Variants in DNAH10 observed in about 807,000 individuals in gnomAD.
DNAH10 encodes axonemal beta dynein heavy chain 10.
A neutral mutation model predicts 506.6 loss-of-function variants in DNAH10; 348 were observed. The ratio of observed to expected loss-of-function variants is 0.69; its 90% CI spans 0.63 to 0.75. The LOEUF is 0.75. Among genes scored for constraint, DNAH10 ranks in the 30% least tolerant of loss-of-function variants. The probability of loss-of-function intolerance (pLI) is 0.00; values close to 1 mark genes in which losing one functional copy is unlikely to be tolerated. For synonymous variants in DNAH10, 2,059 were observed against 2,198.6 expected, an observed-to-expected ratio of 0.94 and a Z score of 1.78; for missense variants, 5,179 against 5,787.1, an observed-to-expected ratio of 0.89 and a Z score of 3.41.
In DNAH10 at chr12:123,818,995, T is replaced by C. The variant is rs959556996; in HGVS notation, c.3826T>C (p.Trp1276Arg). 8 of 1,608,348 alleles carry C rather than the reference T, an allele frequency of 5.0e-6. No homozygotes were observed. Among genetic ancestry groups the C allele is most frequent in the Admixed American group, 3.4e-5 (2 of 59,246 alleles). ...KELVDKIESIWSNLFNDSVNV... is the reference protein window; with the variant it reads ...KELVDKIESIRSNLFNDSVNV... ...ACTGGTTGATAAGATTGAGAGCATA[T>C]GGTCCAATCTGTTTAATGATTCAGT... The change falls in exon 22 of 79, where the codon TGG becomes CGG. Residue 1276 changes from tryptophan (W) to arginine (R), a missense_variant. Around this residue, in one of 3 missense-constraint regions of DNAH10, gnomAD observed 4,844 missense variants for 5,430.5 expected, o/e 0.89. Transcript: ENST00000673944.
intron 37 of DNAH10, among the ~76,000 whole-genome samples, chr12:123,858,539 G>T (rs1355357063): frequency 6.6e-6 from 1 of 152,210 alleles, no homozygotes; most frequent in Admixed American, 6.5e-5. Context: ...TCCTCAACAG[G>T]TTAAACCGAG....
chr12:123,887,116 C>G, intron 51 of DNAH10, 26 bp from the exon 52 acceptor site: 1 of 1,580,186 alleles, frequency 6.3e-7, no homozygotes, highest in Non-Finnish European at 8.6e-7. Flanking sequence ...GTGGTGACGC[C>G]CATGTGCTCT....
chr12:123,883,915 G>A (rs1347185293), intron 51 of DNAH10, among the ~76,000 whole-genome samples: 2 of 152,146 alleles, frequency 1.3e-5, no homozygotes, highest in Non-Finnish European at 2.9e-5. Flanking sequence ...GTTCTTCTCA[G>A]ATGCTCAGCC....
intron 5 of DNAH10, among the ~76,000 whole-genome samples, chr12:123,777,671 C>T (rs1350236515): frequency 6.6e-6 from 1 of 152,124 alleles, no homozygotes; most frequent in Non-Finnish European, 1.5e-5. Context: ...TTTGAGACAG[C>T]GTCTCATTCT....
intron 36 of DNAH10, among the ~76,000 whole-genome samples, chr12:123,856,316 G>A (rs1951387768): frequency 6.7e-6 from 1 of 148,688 alleles, no homozygotes; most frequent in Admixed American, 6.7e-5. Context: ...ATATATATGT[G>A]TGTGTGTGTG....
At chr12:123,809,182 C>T (rs1247061407) in intron 19 of DNAH10, among the ~76,000 whole-genome samples, 1 of 152,210 alleles carries the variant, frequency 6.6e-6, no homozygotes, top group Non-Finnish European at 1.5e-5. Context: ...TCACCCAGCC[C>T]TGCCCGGCTC....
In DNAH10 at chr12:123,917,693, G is replaced by GA. The variant is rs992953493; in HGVS notation, c.11114dup (p.Asn3705LysfsTer78). 2 of 1,556,044 alleles carry GA rather than the reference G, an allele frequency of 1.3e-6. No homozygotes were observed. Among genetic ancestry groups the GA allele is most frequent in the African/African-American group, 2.7e-5 (2 of 73,212 alleles). On this transcript the variant is annotated frameshift_variant, in exon 64 of 79. Coordinates refer to ENST00000673944, the MANE Select transcript of DNAH10 (RefSeq NM_001372106.1). LOFTEE classifies it high-confidence loss of function. This position sits in a 1 kb window ranked among gnomAD's most constrained non-coding sequence, Gnocchi z 5.6. ...TCATCCAGGAGACCAGCGAGAACAA[G>GA]AACCTGCTCAAGGACCTGGAAGATT... is the stretch of plus-strand genomic sequence containing the variant.
At chr12:123,887,437 C>T in intron 52 of DNAH10, 124 bp downstream of exon 52, 2 of 1,163,484 alleles carry the variant, frequency 1.7e-6, no homozygotes, top group East Asian at 2.7e-5. Flanking sequence ...ACCTGTTCCT[C>T]CCTCACGGCG....
chr12:123,898,420 A>G (rs1230121719), intron 55 of DNAH10, among the ~76,000 whole-genome samples: 1 of 152,210 alleles, frequency 6.6e-6, no homozygotes, highest in Non-Finnish European at 1.5e-5. Context: ...ACTGCCGGAC[A>G]GGGCTTTTTA....
At chr12:123,879,564 C>T (rs1952410542) in intron 49 of DNAH10, 70 bp from the exon 50 acceptor site, 1 of 1,591,520 alleles carries the variant, frequency 6.3e-7, no homozygotes, top group African/African-American at 1.4e-5. Flanking sequence ...TACGTATCCT[C>T]TGCTCCTAGC....
Position 123,907,203 on chromosome 12 carries a change from G to A in DNAH10, c.9816-2058G>A, listed in dbSNP as rs1455432269. 6.6e-6 allele frequency among the ~76,000 whole-genome samples: 1 copy of A among 152,218 alleles called. No homozygotes were observed. Among genetic ancestry groups the A allele is most frequent in the South Asian group, 2.1e-4 (1 of 4,828 alleles). Reference sequence around the variant, plus strand: ...GCTCTGACAGTGGATGTTGGGACCTGACCTAGTCATGGTCATGGAGGGCGG... The same window carrying A: ...GCTCTGACAGTGGATGTTGGGACCTAACCTAGTCATGGTCATGGAGGGCGG... On this transcript the variant is annotated intron_variant, in intron 57 of 78. Transcript: ENST00000673944. This position sits in a 1 kb window ranked among gnomAD's most constrained non-coding sequence, Gnocchi z 4.4.
intron 29 of DNAH10, among the ~76,000 whole-genome samples, chr12:123,839,091 G>A (rs1950674444): frequency 2.0e-5 from 3 of 152,152 alleles, no homozygotes; most frequent in Admixed American, 1.3e-4. Context: ...GATTACAGGT[G>A]TGAGCCACCA....
intron 24 of DNAH10, among the ~76,000 whole-genome samples, chr12:123,825,390 C>T (rs958126831): frequency 3.3e-5 from 5 of 152,096 alleles, no homozygotes; most frequent in African/African-American, 1.2e-4. Context: ...ACCCAAATGC[C>T]CATTAAGTGA....
Position 123,909,179 on chromosome 12 carries a change from C to G in DNAH10, c.9816-82C>G. The G allele has an allele frequency of 1.3e-6, 2 of 1,534,484 alleles. No homozygotes were observed. Among genetic ancestry groups the G allele is most frequent in the South Asian group, 1.2e-5 (1 of 83,246 alleles). ...CTCCAGGGACTGTCTTTTGGTTGAG[C>G]TCGTTTTTCTGGAGCTCTCTTTCAG... is the stretch of plus-strand genomic sequence containing the variant. On this transcript the variant is annotated intron_variant, in intron 57 of 78. Transcript: ENST00000673944. The surrounding 1 kb of genome is among the most constrained non-coding windows in gnomAD (Gnocchi z 5.4).
rs767291816 is a variant in DNAH10, at chr12:123,785,808, C to T, written c.1293C>T (p.Ala431=). The change falls in exon 9 of 79, where the codon GCC becomes GCT. Residue 431 remains alanine, a synonymous_variant. Coordinates refer to ENST00000673944, the MANE Select transcript of DNAH10 (RefSeq NM_001372106.1). The surrounding 1 kb of genome is among the most constrained non-coding windows in gnomAD (Gnocchi z 4.1). ...VLDTIPAMMS[A]LRMVWIISRH... is the part of the protein sequence containing the mutation. ...ACACCATCCCCGCCATGATGAGTGC[C>T]CTGCGGATGGTGTGGATCATCTCCC... 8 of 1,614,010 alleles carry T rather than the reference C, an allele frequency of 5.0e-6. No homozygotes were observed. The highest frequency in any genetic ancestry group is 4.5e-5 in the East Asian group (2 of 44,902).
intron 58 of DNAH10, 57 bp from the exon 59 acceptor site, chr12:123,910,479 T>G (rs1453783867): frequency 1.6e-5 from 25 of 1,587,884 alleles, no homozygotes; most frequent in Non-Finnish European, 2.1e-5. Flanking sequence ...TTTGTCTATT[T>G]TATGCTCCCA....
chr12:123,898,306 G>A (rs780856354), intron 55 of DNAH10, among the ~76,000 whole-genome samples: 7 of 152,304 alleles, frequency 4.6e-5, no homozygotes, highest in Non-Finnish European at 1.0e-4. Flanking sequence ...GACCTCCTGG[G>A]TTCACGTGCT....
In DNAH10 at chr12:123,875,470, C is replaced by T. The variant is rs1475124181; in HGVS notation, c.8178C>T (p.Ser2726=). 9.3e-6 allele frequency: 15 copies of T among 1,613,848 alleles called. No homozygotes were observed. Among genetic ancestry groups the T allele is most frequent in the Non-Finnish European group, 1.3e-5 (15 of 1,179,856 alleles). The stretch of plus-strand genomic sequence containing the variant: ...AGTCTCTGCATTTAATTTATTCCTC[C>T]ATCCTGAAAGGCCACACCTCGGTAA... ...SEESLHLIYS[S]ILKGHTSTFH... The change falls in exon 47 of 79, where the codon TCC becomes TCT. Residue 2726 remains serine (S), a synonymous_variant. Transcript: ENST00000673944.
intron 69 of DNAH10, chr12:123,927,798 TG>T (rs1955012519): frequency 6.5e-6 from 1 of 153,184 alleles, no homozygotes; most frequent in African/African-American, 2.4e-5. Flanking sequence ...ATACCCATGC[TG>T]GATGGCCCAG....
Sources: allele counts gnomAD v4.1 joint callset (sites outside exome capture counted in the v4.1 genomes callset), GRCh38; gene constraint gnomAD v4.1.1; regional missense constraint gnomAD v4.1.1; non-coding constraint Gnocchi (gnomAD v3.1); transcripts MANE v1.5; gene names NCBI Gene and HGNC (gene_info 2026-07-23, HGNC 2026-07-21).